Variants in EXOSC10 observed in about 807,000 individuals in gnomAD.
The protein encoded by EXOSC10 is exosome complex component 10.
A neutral mutation model predicts 126.6 loss-of-function variants in EXOSC10; 94 were observed. That is an observed-to-expected ratio of 0.74 (90% CI 0.63 to 0.88). The LOEUF (loss-of-function observed/expected upper bound fraction) is 0.88, where lower values mean the gene tolerates loss of function less well. EXOSC10 is among the 40% of genes least tolerant of loss of function. The probability of loss-of-function intolerance (pLI) is 0.00; values close to 1 mark genes in which losing one functional copy is unlikely to be tolerated. For synonymous variants in EXOSC10, 395 were observed against 400.8 expected (o/e 0.99, Z 0.17); for missense variants, 1,041 against 1,100.5 (o/e 0.95, Z 0.77).
intron 8 of EXOSC10, 79 bp downstream of exon 8, chr1:11,087,721 A>G (rs1640573359): frequency 1.4e-6 from 2 of 1,473,942 alleles, no homozygotes; most frequent in Admixed American, 4.2e-5. Flanking sequence ...AATTACAATT[A>G]GTATTAATTT....
chr1:11,070,812 G>A (rs1639438980), intron 21 of EXOSC10, 88 bp downstream of exon 21: 2 of 1,213,716 alleles, frequency 1.6e-6, no homozygotes, highest in Non-Finnish European at 1.2e-6. Context: ...AAAGCACAGG[G>A]CAAGCCCCCT....
intron 17 of EXOSC10, among the ~76,000 whole-genome samples, chr1:11,075,469 T>G (rs959499500): frequency 2.1e-4 from 32 of 152,156 alleles, no homozygotes; most frequent in African/African-American, 7.5e-4. Flanking sequence ...GACCACAGCC[T>G]CCTTTACACC....
Position 11,095,847 on chromosome 1 carries a change from T to C in EXOSC10, c.283A>G (p.Ser95Gly). The part of the protein sequence containing the change: ...SRVMQYHGCR[S>G]NIKDRSKVTE... ...ACTTTACTTCGATCCTTAATGTTGC[T>C]GCGACACCCATGGTACTGCATTACT... Residue 95 changes from serine to glycine, a missense_variant, in exon 3 of 25, where the codon AGC (serine) becomes GGC (glycine). Ser to Gly is a moderately conservative substitution (Grantham distance 56). Transcript: ENST00000376936. 6.2e-7 allele frequency: 1 copy of C among 1,614,108 alleles called. No homozygotes were observed.
chr1:11,082,976 A>G, intron 9 of EXOSC10, 98 bp from the exon 10 acceptor site: 1 of 979,406 alleles, frequency 1.0e-6, no homozygotes, highest in South Asian at 1.5e-5. Context: ...TGAAATTAGA[A>G]GGTAGTCTCC....
In EXOSC10 at chr1:11,080,564, ACACAC is replaced by A. The variant is rs377177301; in HGVS notation, c.1587-20_1587-16del. 0.02 allele frequency: 22,908 copies of A among 1,149,950 alleles called. 58 individuals are homozygous for A. Among genetic ancestry groups the A allele is most frequent in the Non-Finnish European group, 0.022 (19,371 of 864,708 alleles). The allele number at this position is 1,149,950 out of a possible 1,614,324, so 71.2% of individuals were successfully genotyped here. A position where few individuals can be genotyped will look rare whatever the true frequency, so the allele number is the denominator to read the frequency against. On this transcript the variant is annotated splice_polypyrimidine_tract_variant and intron_variant, in intron 12 of 24. Transcript: ENST00000376936. ...GCAGTACATATCTGGAAAAAAAAAA[ACACAC>A]ACACACACACACACACACACACACA...
chr1:11,073,251 GC>G (rs934058861), intron 19 of EXOSC10, among the ~76,000 whole-genome samples: 1 of 152,168 alleles, frequency 6.6e-6, no homozygotes, highest in East Asian at 1.9e-4. Context: ...TCCTGCCTCA[GC>G]CCCCCGAGTA....
intron 9 of EXOSC10, among the ~76,000 whole-genome samples, chr1:11,086,438 G>C (rs185399909): frequency 2.2e-4 from 34 of 152,256 alleles, no homozygotes; most frequent in Non-Finnish European, 4.7e-4. Flanking sequence ...TCTGATGGTA[G>C]TTTGTATTTC....
chr1:11,082,950 T>C (rs1226616056), intron 9 of EXOSC10, 72 bp from the exon 10 acceptor site: 1 of 1,186,492 alleles, frequency 8.4e-7, no homozygotes, highest in Non-Finnish European at 1.2e-6. Context: ...ACTCTGCCTC[T>C]AGTTTATTAG....
rs769202354 is a variant in EXOSC10, at chr1:11,076,855, A to G, written c.1973T>C (p.Ile658Thr). 6.2e-7 allele frequency: 1 copy of G among 1,612,772 alleles called. No individual in the cohort carries two copies. The highest frequency in any genetic ancestry group is 1.3e-5 in the African/African-American group (1 of 74,924). Residue 658 changes from isoleucine (I) to threonine (T), a missense_variant, in exon 17 of 25, where the codon ATC becomes ACC. This residue lies in a region of EXOSC10 where 388 missense variants were observed against 415.2 expected (regional missense o/e 0.93). Transcript: ENST00000376936. ...TGTGCTACTCACATTAAATAACGTG[A>G]TGACAGCTGTGGCAATCAGGCATGT... ...GTTCLIATAV[I>T]TLFNEPSAED...
intron 7 of EXOSC10, 93 bp from the exon 8 acceptor site, chr1:11,088,003 A>T: frequency 8.1e-7 from 1 of 1,241,888 alleles, no homozygotes. Flanking sequence ...AAATGACCCA[A>T]AACTGTAACT....
chr1:11,067,348 C>A (rs1262470656), intron 24 of EXOSC10, among the ~76,000 whole-genome samples: 1 of 151,844 alleles, frequency 6.6e-6, no homozygotes, highest in Non-Finnish European at 1.5e-5. Flanking sequence ...AGGAGAATGG[C>A]GTGAACCCGG....
intron 8 of EXOSC10, 79 bp from the exon 9 acceptor site, chr1:11,087,670 G>C: frequency 1.3e-6 from 2 of 1,551,476 alleles, no homozygotes; most frequent in Non-Finnish European, 1.8e-6. Context: ...TGAAAAGTCA[G>C]CTACAAAGCT....
In EXOSC10 at chr1:11,090,994, G is replaced by A. The variant is rs749745280; in HGVS notation, c.643+20C>T. ...CAAATAAAGTGAGACTCAAACACAG[G>A]CAAAGTATGCACTATTTACCTTGAG... On this transcript the variant is annotated intron_variant, in intron 5 of 24. Transcript: ENST00000376936. The A allele has an allele frequency of 1.6e-5, 26 of 1,609,122 alleles. No individual in the cohort carries two copies. Among genetic ancestry groups the A allele is most frequent in the Non-Finnish European group, 2.2e-5 (26 of 1,177,574 alleles).
In EXOSC10 at chr1:11,066,704, C is replaced by A. The variant is rs756594461; in HGVS notation, c.*14G>T. On this transcript the variant is annotated 3_prime_UTR_variant, in exon 25 of 25. Coordinates refer to ENST00000376936, the MANE Select transcript of EXOSC10 (RefSeq NM_001001998.3). ...TGGTGCTTCCGGTCCACAGGCGCCA[C>A]GTGTCTTCCAGGACTATCTCTGTGG... The A allele has an allele frequency of 3.1e-6, 5 of 1,614,114 alleles. No individual in the cohort carries two copies. Among genetic ancestry groups the A allele is most frequent in the South Asian group, 1.1e-5 (1 of 91,082 alleles).
intron 24 of EXOSC10, 30 bp downstream of exon 24, chr1:11,067,978 C>G: frequency 6.2e-7 from 1 of 1,608,196 alleles, no homozygotes; most frequent in South Asian, 1.1e-5. Flanking sequence ...TCACTGGGCT[C>G]CCTGGGCCAC....
chr1:11,081,037 C>G lies in EXOSC10; in HGVS notation c.1437+45G>C, dbSNP rs750732893. The G allele has an allele frequency of 1.6e-5, 25 of 1,605,538 alleles. No individual in the cohort carries two copies. The Admixed American group carries it at 4.0e-4, about 26-fold the overall frequency. ...CTAAGAACTAGAACCTGGCCAGACA[C>G]AGAGCCCAAGTGTCGCGGTCTGTGT... is the stretch of plus-strand genomic sequence containing the variant. On this transcript the variant is annotated intron_variant, in intron 11 of 24. Coordinates refer to ENST00000376936, the MANE Select transcript of EXOSC10 (RefSeq NM_001001998.3).
intron 5 of EXOSC10, 58 bp from the exon 6 acceptor site, chr1:11,090,726 C>A: frequency 7.7e-7 from 1 of 1,300,926 alleles, no homozygotes; most frequent in South Asian, 1.3e-5. Flanking sequence ...TTTCTAATTA[C>A]ACAGGGGTAA....
At chr1:11,098,792 G>T (rs1442725102) in intron 1 of EXOSC10, among the ~76,000 whole-genome samples, 6 of 152,198 alleles carry the variant, frequency 3.9e-5, no homozygotes, top group Non-Finnish European at 5.9e-5. Context: ...TATTTTAACT[G>T]TTGTGAGGTA....
At chr1:11,089,418 T>C (rs933332636) in intron 6 of EXOSC10, among the ~76,000 whole-genome samples, 6 of 150,508 alleles carry the variant, frequency 4.0e-5, no homozygotes, top group African/African-American at 1.5e-4. Context: ...GAGACCAGCC[T>C]GACCAACATG....
Sources: gnomAD v4.1 joint callset for allele counts (sites outside exome capture counted in the v4.1 genomes callset) on GRCh38, gnomAD v4.1.1 for gene constraint, gnomAD v4.1.1 regional missense constraint, MANE v1.5 for transcripts, NCBI Gene and HGNC (gene_info 2026-07-23, HGNC 2026-07-21) for gene names.